DCC: variants seen among roughly 807,000 people sequenced by gnomAD.
DCC encodes the protein DCC netrin 1 receptor.
A neutral mutation model predicts 172.5 loss-of-function variants in DCC; 58 were observed. That is an observed-to-expected ratio of 0.34 (90% CI 0.27 to 0.42). The LOEUF (loss-of-function observed/expected upper bound fraction) is 0.42, where lower values mean the gene tolerates loss of function less well. Among genes scored for constraint, DCC ranks in the 10% least tolerant of loss-of-function variants. The pLI is 1.00. For synonymous variants in DCC, 709 were observed against 644.5 expected (o/e 1.10, Z -1.52); for missense variants, 1,740 against 1,791.0 (o/e 0.97, Z 0.51).
chr18:53,155,316 G>A (rs914828199), intron 7 of DCC, among the ~76,000 whole-genome samples: 2 of 152,164 alleles, frequency 1.3e-5, no homozygotes, highest in African/African-American at 4.8e-5. Context: ...ATAAAGACTA[G>A]GGAAAATGGA....
chr18:53,340,985 TCTATAATTG>T (rs2144872510), intron 15 of DCC, among the ~76,000 whole-genome samples: 1 of 152,324 alleles, frequency 6.6e-6, no homozygotes, highest in Non-Finnish European at 1.5e-5. Flanking sequence ...ACCCATTCTC[TCTATAATTG>T]CTTCAAACAC....
Position 52,923,848 on chromosome 18 carries a change from T to C in DCC, c.839T>C (p.Ile280Thr). 2 of 1,613,034 alleles carry C rather than the reference T, an allele frequency of 1.2e-6. No homozygotes were observed. The highest frequency in any genetic ancestry group is 2.2e-5 in the East Asian group (1 of 44,824). The stretch of plus-strand genomic sequence containing the variant: ...ACCTGGTTACGAGGCGAGGAAGTCA[T>C]CCAACTCAGGTATTTCACATTTAAG... ...SFTWLRGEEV[I>T]QLRSKKYSLL... The change falls in exon 4 of 29, where the codon ATC (isoleucine) becomes ACC (threonine). Residue 280 changes from isoleucine (I) to threonine (T), a missense_variant. Ile to Thr is a moderately conservative substitution (Grantham distance 89). Transcript: ENST00000442544.
intron 5 of DCC, among the ~76,000 whole-genome samples, chr18:52,992,045 A>G (rs1195509003): frequency 2.0e-5 from 3 of 152,170 alleles, no homozygotes; most frequent in Non-Finnish European, 1.5e-5. Flanking sequence ...GTTTAATACA[A>G]CCTCATGAGG....
At chr18:52,721,664 A>G (rs1830786112) in intron 1 of DCC, among the ~76,000 whole-genome samples, 1 of 152,172 alleles carries the variant, frequency 6.6e-6, no homozygotes, top group Non-Finnish European at 1.5e-5. Flanking sequence ...ATGCCCCTTA[A>G]GCCCCCTAAT....
chr18:52,904,553 A>G (rs1433321145), intron 2 of DCC, among the ~76,000 whole-genome samples: 1 of 152,244 alleles, frequency 6.6e-6, no homozygotes, highest in African/African-American at 2.4e-5. Flanking sequence ...GATCATGAAA[A>G]TTAATAGACC....
intron 1 of DCC, among the ~76,000 whole-genome samples, chr18:52,441,679 A>T (rs1405558483): frequency 6.6e-6 from 1 of 152,146 alleles, no homozygotes; most frequent in Non-Finnish European, 1.5e-5. Flanking sequence ...TGATTTGATT[A>T]CTGACCTTTT....
intron 1 of DCC, among the ~76,000 whole-genome samples, chr18:52,620,350 G>C (rs2034456402): frequency 1.3e-5 from 2 of 152,236 alleles, no homozygotes; most frequent in East Asian, 1.9e-4. Flanking sequence ...TGAAATTCTT[G>C]GTTTTGCTGC....
chr18:52,943,314 T>C (rs2040491794), intron 5 of DCC, among the ~76,000 whole-genome samples: 1 of 152,180 alleles, frequency 6.6e-6, no homozygotes, highest in African/African-American at 2.4e-5. Context: ...ACATTTTCTT[T>C]ATGTAGAATT....
intron 9 of DCC, among the ~76,000 whole-genome samples, chr18:53,186,620 C>T (rs1165969704): frequency 1.3e-5 from 2 of 152,196 alleles, no homozygotes; most frequent in African/African-American, 4.8e-5. Flanking sequence ...TTTTTCTATG[C>T]AGTTCATAAG....
intron 5 of DCC, among the ~76,000 whole-genome samples, chr18:52,978,850 G>A (rs918842481): frequency 1.3e-5 from 2 of 152,126 alleles, no homozygotes. Context: ...TTCACTTAGA[G>A]TAATGACTTC....
chr18:53,089,953 C>A (rs747719175), intron 7 of DCC, among the ~76,000 whole-genome samples: 1 of 152,080 alleles, frequency 6.6e-6, no homozygotes, highest in African/African-American at 2.4e-5. Flanking sequence ...ATATTTTATA[C>A]CAATTTCCAG....
intron 1 of DCC, among the ~76,000 whole-genome samples, chr18:52,703,800 G>GAA (rs34414459): frequency 2.3e-4 from 34 of 147,802 alleles, no homozygotes; most frequent in African/African-American, 3.8e-4. Flanking sequence ...AAGTTAAATG[G>GAA]AAAAAAAAAA....
At chr18:53,190,373 A>G (rs1214242025) in intron 9 of DCC, among the ~76,000 whole-genome samples, 10 of 152,148 alleles carry the variant, frequency 6.6e-5, no homozygotes, top group African/African-American at 1.9e-4. Context: ...CCTACATTAG[A>G]TATGACAAAA....
chr18:52,872,789 G>A (rs976030082), intron 2 of DCC, among the ~76,000 whole-genome samples: 1 of 152,154 alleles, frequency 6.6e-6, no homozygotes, highest in Non-Finnish European at 1.5e-5. Context: ...ATTATAAATA[G>A]GGGTTAGTGG....
intron 12 of DCC, among the ~76,000 whole-genome samples, chr18:53,248,697 G>C (rs574938126): frequency 6.6e-6 from 1 of 151,918 alleles, no homozygotes; most frequent in Admixed American, 6.6e-5. Flanking sequence ...TTTCAATAAA[G>C]TTGCTAATAT....
chr18:52,664,350 A>C (rs2035420198), intron 1 of DCC, among the ~76,000 whole-genome samples: 1 of 151,960 alleles, frequency 6.6e-6, no homozygotes, highest in African/African-American at 2.4e-5. Context: ...AAGGAAGGAA[A>C]CTTTTGCTAC....
chr18:53,463,810 T>C (rs1401072975), intron 24 of DCC, among the ~76,000 whole-genome samples: 2 of 152,248 alleles, frequency 1.3e-5, no homozygotes, highest in Non-Finnish European at 2.9e-5. Flanking sequence ...TTTCTTGTTT[T>C]GCGCCCATGA....
intron 1 of DCC, among the ~76,000 whole-genome samples, chr18:52,704,165 A>C (rs1336929659): frequency 6.6e-6 from 1 of 150,572 alleles, no homozygotes; most frequent in African/African-American, 2.5e-5. Flanking sequence ...CTCTGTCAAC[A>C]TACACATAAA....
At chr18:52,369,481 A>T (rs1985022084) in intron 1 of DCC, among the ~76,000 whole-genome samples, 1 of 151,986 alleles carries the variant, frequency 6.6e-6, no homozygotes, top group Non-Finnish European at 1.5e-5. Context: ...GTAGGAGCCG[A>T]TGGAAGAGTG....
Sources: gnomAD v4.1 joint callset for allele counts (sites outside exome capture counted in the v4.1 genomes callset) on GRCh38, gnomAD v4.1.1 for gene constraint, MANE v1.5 for transcripts, NCBI Gene and HGNC (gene_info 2026-07-23, HGNC 2026-07-21) for gene names.